UBALD2: variants seen among roughly 807,000 people sequenced by gnomAD.
UBALD2 encodes the protein UBA-like domain-containing protein 2.
UBALD2 carries 8 observed loss-of-function variants against 15.9 expected under a neutral mutation model. The ratio of observed to expected loss-of-function variants is 0.50; its 90% CI spans 0.29 to 0.91. The LOEUF (loss-of-function observed/expected upper bound fraction) is 0.91. Ranked by LOEUF, UBALD2 falls within the 40% of genes least tolerant of loss-of-function variation. UBALD2 has a pLI of 0.07. For synonymous variants in UBALD2, 113 were observed against 97.7 expected, an observed-to-expected ratio of 1.16 and a Z score of -0.93; for missense variants, 178 against 234.8, an observed-to-expected ratio of 0.76 and a Z score of 1.58.
At chr17:76,266,343 G>A (rs1481779906) in intron 2 of UBALD2, among the ~76,000 whole-genome samples, 1 of 152,202 alleles carries the variant, frequency 6.6e-6, no homozygotes, top group African/African-American at 2.4e-5. Context: ...GAAGGGCCCA[G>A]GGAGGGCGAT....
chr17:76,267,703 T>C (rs1288461980), intron 2 of UBALD2, among the ~76,000 whole-genome samples: 3 of 150,878 alleles, frequency 2.0e-5, no homozygotes, highest in Non-Finnish European at 3.0e-5. Context: ...TTCACTCTTA[T>C]TGCCTAGGCG....
chr17:76,265,415 C>G lies in UBALD2; in HGVS notation c.-91C>G. 3 of 977,090 alleles carry G rather than the reference C, an allele frequency of 3.1e-6. No homozygotes were observed. The highest frequency in any genetic ancestry group is 3.6e-6 in the Non-Finnish European group (3 of 824,664). 60.5% of individuals were successfully genotyped at this position (977,090 alleles called of 1,614,324 possible). A position where few individuals can be genotyped will look rare whatever the true frequency, so the allele number is the denominator to read the frequency against. ...CGGCGGCAGCAGCGGTGAGCGCGAG[C>G]CCCGGAGCCCCGGGCGGCCGGCCTC... On this transcript the variant is annotated 5_prime_UTR_variant, in exon 1 of 3. Coordinates refer to ENST00000327490, the MANE Select transcript of UBALD2 (RefSeq NM_182565.4).
Position 76,267,490 on chromosome 17 carries a change from CTTTT to C in UBALD2, c.183+1539_183+1542del, listed in dbSNP as rs55819046. Among the ~76,000 whole-genome samples, 350 of 115,100 alleles carry C rather than the reference CTTTT, an allele frequency of 3.0e-3. 2 individuals are homozygous for C. The highest frequency in any genetic ancestry group is 0.011 in the African/African-American group (322 of 28,350). The allele number at this position is 115,100 out of a possible 152,430, so 75.5% of individuals were successfully genotyped here. On this transcript the variant is annotated intron_variant, in intron 2 of 2. Transcript: ENST00000327490. ...CCTGCTCTCAAAAAGTTCATGGTTTCTTTTTTTTTTTTTTTTTTTTTCTAATTTT... is the reference window on the plus strand; with the variant it reads ...CCTGCTCTCAAAAAGTTCATGGTTTCTTTTTTTTTTTTTTTTTCTAATTTT...
At chr17:76,268,310 A>G (rs926814346) in intron 2 of UBALD2, among the ~76,000 whole-genome samples, 3 of 152,246 alleles carry the variant, frequency 2.0e-5, no homozygotes, top group African/African-American at 7.2e-5. Flanking sequence ...TTACACAGGC[A>G]GGCCACCACA....
intron 1 of UBALD2, 54 bp from the exon 2 acceptor site, chr17:76,265,853 C>G (rs1388606764): frequency 1.9e-6 from 3 of 1,562,114 alleles, no homozygotes; most frequent in Non-Finnish European, 1.7e-6. Flanking sequence ...GGCCCAGCCG[C>G]TGCGTTTCCT....
chr17:76,266,433 G>A (rs1568095954), intron 2 of UBALD2, among the ~76,000 whole-genome samples: 1 of 151,180 alleles, frequency 6.6e-6, no homozygotes, highest in African/African-American at 2.5e-5. Flanking sequence ...CACACACCCA[G>A]CGCTACAGGG....
Position 76,270,391 on chromosome 17 carries a change from C to T in UBALD2, c.381C>T (p.Pro127=), listed in dbSNP as rs756361862. The stretch of plus-strand genomic sequence containing the variant: ...GCCACCAGGCGCCCTGGATCCCGCC[C>T]TCCTCCCCCACCACCTTCCACCACC... ...PPSHQAPWIP[P]SSPTTFHHLH... Residue 127 remains proline, a synonymous_variant, in exon 3 of 3, where the codon CCC becomes CCT. Transcript: ENST00000327490. 19 of 1,530,648 alleles carry T rather than the reference C, an allele frequency of 1.2e-5. No individual in the cohort carries two copies. The Admixed American group carries it at 3.1e-4, about 25-fold the overall frequency. 94.8% of individuals were successfully genotyped at this position (1,530,648 alleles called of 1,614,324 possible).
In UBALD2 at chr17:76,265,411, C is replaced by T. The variant is rs2070536273; in HGVS notation, c.-95C>T. On this transcript the variant is annotated 5_prime_UTR_variant, in exon 1 of 3. Transcript: ENST00000327490. ...GGAGCGGCGGCAGCAGCGGTGAGCG[C>T]GAGCCCCGGAGCCCCGGGCGGCCGG... 5.1e-6 allele frequency: 5 copies of T among 975,866 alleles called. No homozygotes were observed. In the South Asian group the frequency reaches 2.3e-4, roughly 44 times the overall value. The allele number at this position is 975,866 out of a possible 1,614,324, so 60.5% of individuals were successfully genotyped here.
rs1470041606 is a variant in UBALD2 at position 76,269,981 on chromosome 17, C to T, written c.184-213C>T. On this transcript the variant is annotated intron_variant, in intron 2 of 2. Transcript: ENST00000327490. This position sits in a 1 kb window ranked among gnomAD's most constrained non-coding sequence, Gnocchi z 4.6. ...GGTGTCATTTCCAGGCCTCATGAAA[C>T]CCCGTTGGTTTTGATAAGGTTCTTG... Among the ~76,000 whole-genome samples the T allele has an allele frequency of 1.3e-5, 2 of 152,222 alleles. No homozygotes were observed. Among genetic ancestry groups the T allele is most frequent in the African/African-American group, 4.8e-5 (2 of 41,472 alleles).
rs1248469604 is a variant in UBALD2 at position 76,270,802 on chromosome 17, T to G, written c.*297T>G. The G allele has an allele frequency of 4.5e-6, 1 of 223,116 alleles. No homozygotes were observed. The highest frequency in any genetic ancestry group is 8.6e-6 in the Non-Finnish European group (1 of 116,000). 13.8% of individuals were successfully genotyped at this position (223,116 alleles called of 1,614,324 possible). A position where few individuals can be genotyped will look rare whatever the true frequency, so the allele number is the denominator to read the frequency against. ...AATGGGCCTGGCACACCTGGGGTGC[T>G]CGGGGGTAGGGCTGCCATGCTGCAG... is the stretch of plus-strand genomic sequence containing the variant. On this transcript the variant is annotated 3_prime_UTR_variant, in exon 3 of 3. Coordinates refer to ENST00000327490, the MANE Select transcript of UBALD2 (RefSeq NM_182565.4).
In UBALD2 at chr17:76,269,249, G is replaced by A. The variant is rs751379340; in HGVS notation, c.184-945G>A. ...CCCATGCTGCTGACGAGGTGCTCCT[G>A]GATGGCACTCCAGCCCCTGCCCCCA... On this transcript the variant is annotated intron_variant, in intron 2 of 2. Coordinates refer to ENST00000327490, the MANE Select transcript of UBALD2 (RefSeq NM_182565.4). The surrounding 1 kb of genome is among the most constrained non-coding windows in gnomAD (Gnocchi z 4.6). 2.0e-5 allele frequency among the ~76,000 whole-genome samples: 3 copies of A among 152,262 alleles called. No individual in the cohort carries two copies. In the East Asian group the frequency reaches 5.8e-4, roughly 29 times the overall value.
At chr17:76,267,971 T>G (rs1023312705) in intron 2 of UBALD2, among the ~76,000 whole-genome samples, 2 of 152,212 alleles carry the variant, frequency 1.3e-5, no homozygotes, top group Non-Finnish European at 2.9e-5. Context: ...GCAATTTATT[T>G]TGGACAAAGT....
At chr17:76,265,794 AG>A (rs2143054094) in intron 1 of UBALD2, 112 bp from the exon 2 acceptor site, 1 of 1,443,720 alleles carries the variant, frequency 6.9e-7, no homozygotes, top group East Asian at 2.7e-5. Context: ...GGGGCAGCCG[AG>A]GGTCGGGGGC....
At chr17:76,268,660 A>G (rs1204739468) in intron 2 of UBALD2, among the ~76,000 whole-genome samples, 1 of 150,400 alleles carries the variant, frequency 6.6e-6, no homozygotes, top group Non-Finnish European at 1.5e-5. Flanking sequence ...AGGGTGTGCT[A>G]GTGTCCCCAT....
At chr17:76,268,581 C>T (rs888920178) in intron 2 of UBALD2, among the ~76,000 whole-genome samples, 3 of 152,122 alleles carry the variant, frequency 2.0e-5, no homozygotes, top group Admixed American at 6.5e-5. Context: ...CCCTGAGGAC[C>T]CCTAGAAAGG....
At chr17:76,268,434 C>T (rs180869151) in intron 2 of UBALD2, among the ~76,000 whole-genome samples, 1 of 152,246 alleles carries the variant, frequency 6.6e-6, no homozygotes, top group African/African-American at 2.4e-5. Context: ...AATTGGCCTC[C>T]ACCCCCACCC....
intron 2 of UBALD2, 102 bp downstream of exon 2, chr17:76,266,071 C>G: frequency 7.2e-7 from 1 of 1,392,710 alleles, no homozygotes; most frequent in South Asian, 1.3e-5. Flanking sequence ...AACAAAGAGC[C>G]AAAATGTCTT....
In UBALD2 at chr17:76,269,879, G is replaced by T. The variant is rs559228326; in HGVS notation, c.184-315G>T. 2.7e-4 allele frequency among the ~76,000 whole-genome samples: 41 copies of T among 152,324 alleles called. No homozygotes were observed. Among genetic ancestry groups the T allele is most frequent in the African/African-American group, 9.9e-4 (41 of 41,574 alleles). On this transcript the variant is annotated intron_variant, in intron 2 of 2. Coordinates refer to ENST00000327490, the MANE Select transcript of UBALD2 (RefSeq NM_182565.4). The surrounding 1 kb of genome is among the most constrained non-coding windows in gnomAD (Gnocchi z 4.6). ...GTGCGGAACAGTGGTGTCCTGGGCTGCCCCCTTGCCCTTTCACTTTAATCT... is the reference window on the plus strand; with the variant it reads ...GTGCGGAACAGTGGTGTCCTGGGCTTCCCCCTTGCCCTTTCACTTTAATCT...
rs2070570594 is a variant in UBALD2, at chr17:76,269,639, C to T, written c.184-555C>T. Among the ~76,000 whole-genome samples, 1 of 152,218 alleles carries T rather than the reference C, an allele frequency of 6.6e-6. No homozygotes were observed. The highest frequency in any genetic ancestry group is 1.5e-5 in the Non-Finnish European group (1 of 68,032). On this transcript the variant is annotated intron_variant, in intron 2 of 2. Transcript: ENST00000327490. This position sits in a 1 kb window ranked among gnomAD's most constrained non-coding sequence, Gnocchi z 4.6. Reference sequence around the variant, plus strand: ...TGTCATAAAGAGAGGATAATTGAAGCCACTAAGTGTCATTGTTAAGGGAGG... The same window carrying T: ...TGTCATAAAGAGAGGATAATTGAAGTCACTAAGTGTCATTGTTAAGGGAGG...
Sources: allele counts gnomAD v4.1 joint callset (sites outside exome capture counted in the v4.1 genomes callset), GRCh38; gene constraint gnomAD v4.1.1; non-coding constraint Gnocchi (gnomAD v3.1); transcripts MANE v1.5; gene names NCBI Gene and HGNC (gene_info 2026-07-23, HGNC 2026-07-21).